The following ANO7 variants were observed in gnomAD, a reference collection of about 807,000 sequenced individuals.
The protein encoded by ANO7 is anoctamin 7, also known as anoctamin-7.
ANO7 carries 114 observed loss-of-function variants against 115.8 expected under a neutral mutation model. That is an observed-to-expected ratio of 0.98 (90% CI 0.85 to 1.15). The LOEUF (loss-of-function observed/expected upper bound fraction) is 1.15, where lower values mean the gene tolerates loss of function less well. Among genes scored for constraint, ANO7 ranks in the 50% most tolerant of loss-of-function variants. The pLI, the probability that ANO7 is intolerant of heterozygous loss-of-function variation, is 0.00. For missense variants in ANO7, 1,302 were observed against 1,201.2 expected (o/e 1.08, Z -1.24); for synonymous variants, 550 against 498.2 (o/e 1.10, Z -1.38).
chr2:241,238,826 G>A, the ANO7 span: 1 of 1,479,732 alleles, frequency 6.8e-7, no homozygotes, highest in Non-Finnish European at 9.1e-7. The surrounding 1 kb of genome is among the most constrained non-coding windows in gnomAD (Gnocchi z 4.9). Context: ...AAAGAGCAAA[G>A]ATTAAATTCC....
At chr2:241,228,625 T>G (rs2069358389), downstream of ANO7, 1 of 152,178 alleles carries the variant, frequency 6.6e-6, no homozygotes, top group South Asian at 2.1e-4. Flanking sequence ...ACCAGAAACA[T>G]CTCAATCAAG....
At chr2:241,223,160 C>G in intron 21 of ANO7, 26 bp from the exon 22 acceptor site, 1 of 1,604,716 alleles carries the variant, frequency 6.2e-7, no homozygotes, top group Non-Finnish European at 8.5e-7. Flanking sequence ...CCTGGCTGCG[C>G]GCACTGAGTC....
chr2:241,200,088 G>C lies in ANO7; in HGVS notation c.418-1G>C, dbSNP rs773856212. The C allele has an allele frequency of 6.2e-7, 1 of 1,611,814 alleles. No homozygotes were observed. Among genetic ancestry groups the C allele is most frequent in the South Asian group, 1.1e-5 (1 of 91,068 alleles). On this transcript the variant is annotated splice_acceptor_variant, in intron 5 of 24. Coordinates refer to ENST00000674324, the MANE Select transcript of ANO7 (RefSeq NM_001370694.2). LOFTEE classifies it high-confidence loss of function. ...GAGGAGCCACTGACGTTTCCTTCCA[G>C]GAGTTACCCAACCAGGCCTCCAACT...
At chr2:241,229,996 GCCCAGCACC>G (rs563647001), downstream of ANO7, 8,268 of 1,576,182 alleles carry the variant, frequency 5.2e-3, 40 homozygotes, top group South Asian at 0.015. Flanking sequence ...GGGTCAGTCT[GCCCAGCACC>G]CCCAGCATCC....
intron 11 of ANO7, among the ~76,000 whole-genome samples, chr2:241,208,978 T>A (rs533648734): frequency 6.6e-6 from 1 of 152,064 alleles, no homozygotes; most frequent in South Asian, 2.1e-4. Context: ...TGAAACCTCG[T>A]CTCTACTAAA....
At chr2:241,213,926 G>A (rs927242101) in intron 17 of ANO7, among the ~76,000 whole-genome samples, 11 of 152,226 alleles carry the variant, frequency 7.2e-5, no homozygotes, top group African/African-American at 2.4e-4. Flanking sequence ...GTGCCACAAC[G>A]GACCAGCCAG....
rs575131276 is a variant in ANO7 at position 241,220,794 on chromosome 2, C to T, written c.2322-2392C>T. Among the ~76,000 whole-genome samples, 106 of 145,384 alleles carry T rather than the reference C, an allele frequency of 7.3e-4. 1 individual carries two copies. Among genetic ancestry groups the T allele is most frequent in the African/African-American group, 2.5e-3 (98 of 39,260 alleles). ...CAGCCTGGGCAACAGAGCAAGGCTC[C>T]GTCTCAGAAAAACAAGAACAACAAA... On this transcript the variant is annotated intron_variant, in intron 21 of 24. Coordinates refer to ENST00000674324, the MANE Select transcript of ANO7 (RefSeq NM_001370694.2).
At chr2:241,211,963 C>A in intron 15 of ANO7, 131 bp from the exon 16 acceptor site, 1 of 654,100 alleles carries the variant, frequency 1.5e-6, no homozygotes, top group Non-Finnish European at 2.7e-6. Context: ...ACTTTGTCTC[C>A]TTCTTTTAAA....
rs769488177 is a variant in ANO7 at position 241,199,354 on chromosome 2, C to T, written c.348C>T (p.Ala116=). ...ACGGGAACACCACAGTGCACTACGC[C>T]CTCCTCAGCGCCTCCTGGGCTGTGC... is the stretch of plus-strand genomic sequence containing the variant. The part of the protein sequence containing the change: ...VQDGNTTVHY[A]LLSASWAVLC... The change falls in exon 5 of 25, where the codon GCC becomes GCT. Residue 116 remains alanine, a synonymous_variant. Coordinates refer to ENST00000674324, the MANE Select transcript of ANO7 (RefSeq NM_001370694.2). The T allele has an allele frequency of 6.2e-7, 1 of 1,613,766 alleles. No individual in the cohort carries two copies. The highest frequency in any genetic ancestry group is 8.5e-7 in the Non-Finnish European group (1 of 1,180,014).
chr2:241,235,183 C>A, the ANO7 span: 1 of 1,614,204 alleles, frequency 6.2e-7, no homozygotes, highest in Non-Finnish European at 8.5e-7. Context: ...TTGGCCCGGT[C>A]CAAATTTGCA....
At chr2:241,191,319 C>T (rs2068198323) in intron 3 of ANO7, 68 bp downstream of exon 3, 3 of 1,586,950 alleles carry the variant, frequency 1.9e-6, no homozygotes, top group Admixed American at 1.7e-5. Flanking sequence ...ACGGGGGTGC[C>T]CCCAGGGGCA....
chr2:241,224,025 C>A, intron 24 of ANO7, 70 bp downstream of exon 24: 1 of 1,613,310 alleles, frequency 6.2e-7, no homozygotes. Context: ...CCCAGCCGCC[C>A]ACTGTGCCTC....
At chr2:241,212,750 A>T in intron 17 of ANO7, 124 bp downstream of exon 17, 2 of 1,146,026 alleles carry the variant, frequency 1.7e-6, no homozygotes, top group Non-Finnish European at 1.2e-6. Context: ...TCGCCCAGCC[A>T]GGGCCAGCTG....
At chr2:241,190,303 C>T (rs1180449405) in intron 2 of ANO7, 132 bp downstream of exon 2, 4 of 741,802 alleles carry the variant, frequency 5.4e-6, no homozygotes, top group East Asian at 5.6e-5. Flanking sequence ...CCCCGGCAAC[C>T]CCCAAGCCCT....
At position 241,200,185 on chromosome 2, in the gene ANO7, G is replaced by A. The variant is rs77482050; in HGVS notation, c.514G>A (p.Glu172Lys). The A allele has an allele frequency of 8.2e-3, 13,227 of 1,613,094 alleles. 152 individuals carry two copies. Among genetic ancestry groups the A allele is most frequent in the Non-Finnish European group, 6.9e-3 (8,088 of 1,179,992 alleles). ...LLEVVPDVPP[E>K]YYSCRFRVNK... Reference sequence around the variant, plus strand: ...GGAGGTTGTGCCAGACGTACCCCCCGAGTACTACTCCTGCCGGTTCAGAGT... The same window carrying A: ...GGAGGTTGTGCCAGACGTACCCCCCAAGTACTACTCCTGCCGGTTCAGAGT... The change falls in exon 6 of 25, where the codon GAG becomes AAG. Residue 172 changes from glutamate to lysine, a missense_variant. By Grantham distance (56) the Glu-to-Lys change is moderately conservative (BLOSUM62 1). Coordinates refer to ENST00000674324, the MANE Select transcript of ANO7 (RefSeq NM_001370694.2).
At chr2:241,198,557 A>G (rs2068395658) in intron 4 of ANO7, among the ~76,000 whole-genome samples, 1 of 152,228 alleles carries the variant, frequency 6.6e-6, no homozygotes, top group Non-Finnish European at 1.5e-5. Context: ...TCTGCAGGAC[A>G]GTTCTCAGCT....
At chr2:241,212,407 G>C (rs963599580) in intron 16 of ANO7, among the ~76,000 whole-genome samples, 165 bp from the exon 17 acceptor site, 1 of 152,220 alleles carries the variant, frequency 6.6e-6, no homozygotes, top group African/African-American at 2.4e-5. Flanking sequence ...TCCCTACCCA[G>C]CTCGGGGGTC....
chr2:241,205,363 G>A (rs554254041), intron 10 of ANO7, among the ~76,000 whole-genome samples: 1 of 151,628 alleles, frequency 6.6e-6, no homozygotes, highest in African/African-American at 2.4e-5. Context: ...AGTGCTCCCA[G>A]GCTGATAGGT....
chr2:241,202,299 C>T lies in ANO7; in HGVS notation c.718C>T (p.His240Tyr), dbSNP rs199605342. Residue 240 changes from histidine to tyrosine, a missense_variant, in exon 8 of 25, where the codon CAT (histidine) becomes TAT (tyrosine). Transcript: ENST00000674324. Reference protein sequence around the residue: ...EGVLSAAFPLHDGPFKTPPEG... With the variant: ...EGVLSAAFPLYDGPFKTPPEG... ...TGTCCTCAGTGCCGCCTTCCCCCTG[C>T]ATGACGTGAGCTCGGGGGCTGGGGG... The T allele has an allele frequency of 3.1e-6, 5 of 1,612,864 alleles. No homozygotes were observed. In the African/African-American group the frequency reaches 5.3e-5, roughly 17 times the overall value.
Sources: allele counts gnomAD v4.1 joint callset (sites outside exome capture counted in the v4.1 genomes callset), GRCh38; gene constraint gnomAD v4.1.1; non-coding constraint Gnocchi (gnomAD v3.1); transcripts MANE v1.5; gene names NCBI Gene and HGNC (gene_info 2026-07-23, HGNC 2026-07-21).